The following SLC35F3 variants were observed in gnomAD, a reference collection of about 807,000 sequenced individuals.
SLC35F3 encodes the protein putative thiamine transporter SLC35F3.
In SLC35F3, 25 loss-of-function variants were observed where a neutral mutation model predicts 49.9. That is an observed-to-expected ratio of 0.50 (90% CI 0.37 to 0.70). The LOEUF (loss-of-function observed/expected upper bound fraction) is 0.70, where lower values mean the gene tolerates loss of function less well. Ranked by LOEUF, SLC35F3 falls within the 30% of genes least tolerant of loss-of-function variation. The pLI is 0.00. For missense variants in SLC35F3, 525 were observed against 639.8 expected (o/e 0.82, Z 1.94); for synonymous variants, 275 against 265.4 (o/e 1.04, Z -0.35).
chr1:234,278,965 A>C (rs891480286), intron 3 of SLC35F3, among the ~76,000 whole-genome samples: 1 of 151,806 alleles, frequency 6.6e-6, no homozygotes, highest in Non-Finnish European at 1.5e-5. Context: ...CAATTTAGGA[A>C]GTTTATTTTG....
chr1:234,153,876 A>G (rs1407171407), intron 2 of SLC35F3, among the ~76,000 whole-genome samples: 1 of 151,838 alleles, frequency 6.6e-6, no homozygotes, highest in Non-Finnish European at 1.5e-5. Context: ...GATCGAGACC[A>G]TGCTGGCTAA....
intron 2 of SLC35F3, among the ~76,000 whole-genome samples, chr1:233,973,450 T>A (rs574023449): frequency 2.0e-5 from 3 of 152,352 alleles, no homozygotes; most frequent in African/African-American, 7.2e-5. Flanking sequence ...TGGAGTCTGA[T>A]GGCATTGACT....
At chr1:234,180,200 C>T (rs548342004) in intron 2 of SLC35F3, among the ~76,000 whole-genome samples, 12 of 152,304 alleles carry the variant, frequency 7.9e-5, no homozygotes, top group Non-Finnish European at 1.2e-4. Flanking sequence ...GTGGGGCTCT[C>T]TGACTTCCCT....
intron 2 of SLC35F3, among the ~76,000 whole-genome samples, chr1:234,228,023 T>C (rs1450643056): frequency 2.0e-5 from 3 of 152,230 alleles, no homozygotes; most frequent in African/African-American, 7.2e-5. Context: ...CAACTAATTA[T>C]ATTACTTTGT....
chr1:234,212,255 G>A (rs915690098), intron 2 of SLC35F3, among the ~76,000 whole-genome samples: 7 of 152,212 alleles, frequency 4.6e-5, no homozygotes, highest in South Asian at 4.1e-4. Context: ...AGTAGAACAC[G>A]TGTGTAGAGG....
At chr1:233,962,429 T>C (rs1662819494) in intron 2 of SLC35F3, among the ~76,000 whole-genome samples, 1 of 152,248 alleles carries the variant, frequency 6.6e-6, no homozygotes. Context: ...TGTGCATGAA[T>C]CTCCGTGCAC....
At chr1:233,987,528 C>CT (rs2102825347) in intron 2 of SLC35F3, among the ~76,000 whole-genome samples, 1 of 143,284 alleles carries the variant, frequency 7.0e-6, no homozygotes, top group African/African-American at 2.9e-5. Context: ...TTTGATCTAT[C>CT]TTTTCTCTTT....
intron 2 of SLC35F3, among the ~76,000 whole-genome samples, chr1:234,031,670 A>G (rs1320712908): frequency 6.6e-6 from 1 of 151,962 alleles, no homozygotes. Context: ...TTGGCCTCCC[A>G]TTTCATTGGT....
At chr1:234,198,477 C>T (rs1011065344) in intron 2 of SLC35F3, among the ~76,000 whole-genome samples, 1 of 152,158 alleles carries the variant, frequency 6.6e-6, no homozygotes, top group Non-Finnish European at 1.5e-5. Flanking sequence ...AAGTGCCAGG[C>T]CATTTTCCAA....
Position 233,906,485 on chromosome 1 carries a change from G to C in SLC35F3, c.283+727G>C, listed in dbSNP as rs148267961. 2.2e-4 allele frequency among the ~76,000 whole-genome samples: 34 copies of C among 152,242 alleles called. No individual in the cohort carries two copies. The East Asian group carries it at 6.6e-3, about 29-fold the overall frequency. On this transcript the variant is annotated intron_variant, in intron 2 of 7. Transcript: ENST00000366618. ...GGTGGACATTTCTTTTTCTCACTTT[G>C]CAAGAGAGAGGTTGATTATGATGAA...
chr1:234,113,931 G>A (rs1030854380), intron 2 of SLC35F3, among the ~76,000 whole-genome samples: 4 of 152,168 alleles, frequency 2.6e-5, no homozygotes, highest in Non-Finnish European at 4.4e-5. Flanking sequence ...GCAAAGACTC[G>A]GATACAAGTG....
intron 3 of SLC35F3, among the ~76,000 whole-genome samples, chr1:234,241,696 T>C (rs569065645): frequency 1.3e-4 from 20 of 148,174 alleles, no homozygotes; most frequent in Admixed American, 8.1e-4. Flanking sequence ...GATTGTACCA[T>C]TGCACTCCAG....
intron 2 of SLC35F3, among the ~76,000 whole-genome samples, chr1:234,105,063 G>T (rs1665265061): frequency 6.7e-6 from 1 of 150,274 alleles, no homozygotes; most frequent in Non-Finnish European, 1.5e-5. Flanking sequence ...GGGAGGCAAA[G>T]CTTGCAGTCA....
At chr1:234,072,094 G>A (rs1460085258) in intron 2 of SLC35F3, among the ~76,000 whole-genome samples, 2 of 152,250 alleles carry the variant, frequency 1.3e-5, no homozygotes, top group Non-Finnish European at 2.9e-5. Context: ...AACAACAGTA[G>A]ATATTGTAGG....
At chr1:234,134,795 C>T (rs972391176) in intron 2 of SLC35F3, among the ~76,000 whole-genome samples, 1 of 152,098 alleles carries the variant, frequency 6.6e-6, no homozygotes, top group Admixed American at 6.6e-5. Flanking sequence ...AATCTTGGTT[C>T]ACTGCAACCT....
chr1:234,019,378 G>GAA (rs1227638831), intron 2 of SLC35F3, among the ~76,000 whole-genome samples: 1 of 151,778 alleles, frequency 6.6e-6, no homozygotes, highest in African/African-American at 2.4e-5. Flanking sequence ...GAGAGAGAGA[G>GAA]ACAGAGACAG....
chr1:234,252,096 G>C (rs943725906), intron 3 of SLC35F3, among the ~76,000 whole-genome samples: 1 of 151,380 alleles, frequency 6.6e-6, no homozygotes, highest in African/African-American at 2.4e-5. Flanking sequence ...TTTTGAGACA[G>C]AGTCTCTCTG....
chr1:234,292,966 C>T (rs1668532809), intron 3 of SLC35F3, among the ~76,000 whole-genome samples: 1 of 152,178 alleles, frequency 6.6e-6, no homozygotes, highest in South Asian at 2.1e-4. Context: ...CCCTTCATTT[C>T]ACAAATGAAG....
chr1:233,963,207 T>G (rs534815450), intron 2 of SLC35F3, among the ~76,000 whole-genome samples: 3 of 152,224 alleles, frequency 2.0e-5, no homozygotes, highest in Admixed American at 1.3e-4. Context: ...TACTTCTGCC[T>G]TTCACATATC....
Sources: gnomAD v4.1 joint callset for allele counts (sites outside exome capture counted in the v4.1 genomes callset) on GRCh38, gnomAD v4.1.1 for gene constraint, MANE v1.5 for transcripts, NCBI Gene and HGNC (gene_info 2026-07-23, HGNC 2026-07-21) for gene names.